The following LINGO2 variants were observed in gnomAD, a reference collection of about 807,000 sequenced individuals.
LINGO2 encodes the protein leucine-rich repeat and immunoglobulin-like domain-containing nogo receptor-interacting protein 2.
LINGO2 carries 14 observed loss-of-function variants against 30.6 expected under a neutral mutation model. The observed-to-expected ratio is 0.46, with a 90% confidence interval of 0.30 to 0.72. LINGO2 has a LOEUF of 0.72. Among genes scored for constraint, LINGO2 ranks in the 30% least tolerant of loss-of-function variants. LINGO2 has a pLI of 0.07. For missense variants in LINGO2, 729 were observed against 751.7 expected (o/e 0.97, Z 0.35); for synonymous variants, 317 against 288.5 (o/e 1.10, Z -1.00).
the LINGO2 span, among the ~76,000 whole-genome samples, chr9:29,017,683 T>C: frequency 6.6e-6 from 1 of 152,010 alleles, no homozygotes; most frequent in Non-Finnish European, 1.5e-5. Flanking sequence ...GGCAATAGCC[T>C]ATCTGGGATC....
the LINGO2 span, among the ~76,000 whole-genome samples, chr9:28,688,258 T>C: frequency 4.9e-4 from 75 of 152,140 alleles, 1 homozygote; most frequent in Non-Finnish European, 9.4e-4. Context: ...ATTAGTCCCT[T>C]AAATAGCATT....
At chr9:28,051,265 T>C (rs1441596871) in intron 4 of LINGO2, among the ~76,000 whole-genome samples, 1 of 152,044 alleles carries the variant, frequency 6.6e-6, no homozygotes, top group Non-Finnish European at 1.5e-5. Context: ...AGAATATAGC[T>C]AGATACAGTA....
At chr9:28,573,779 T>C (rs971125822) in intron 1 of LINGO2, among the ~76,000 whole-genome samples, 6 of 152,088 alleles carry the variant, frequency 3.9e-5, no homozygotes, top group Non-Finnish European at 1.5e-5. Context: ...AGAAAACAGA[T>C]GAACCACTTA....
At chr9:28,417,780 A>C (rs1177203738) in intron 2 of LINGO2, among the ~76,000 whole-genome samples, 1 of 152,192 alleles carries the variant, frequency 6.6e-6, no homozygotes, top group African/African-American at 2.4e-5. Context: ...GGTTGTTTAC[A>C]TGCTTGTTGG....
the LINGO2 span, among the ~76,000 whole-genome samples, chr9:28,708,475 T>G: frequency 6.6e-6 from 1 of 152,074 alleles, no homozygotes; most frequent in Non-Finnish European, 1.5e-5. Context: ...TGAAACTGTA[T>G]AAGCAGTTTC....
At chr9:29,120,154 C>T in the LINGO2 span, among the ~76,000 whole-genome samples, 4 of 152,090 alleles carry the variant, frequency 2.6e-5, no homozygotes, top group Admixed American at 1.3e-4. Context: ...CAAGGCTTTT[C>T]GCTTGGAGAC....
the LINGO2 span, among the ~76,000 whole-genome samples, chr9:29,168,941 C>T: frequency 6.6e-6 from 1 of 152,018 alleles, no homozygotes; most frequent in Non-Finnish European, 1.5e-5. Flanking sequence ...GGTTTTAAAA[C>T]TCTGGATTTT....
the LINGO2 span, among the ~76,000 whole-genome samples, chr9:29,125,385 C>G: frequency 2.0e-5 from 3 of 151,864 alleles, no homozygotes; most frequent in East Asian, 1.9e-4. Flanking sequence ...ATGGAACAAC[C>G]CTGCACGTTC....
chr9:28,513,334 T>G (rs191443339), intron 1 of LINGO2, among the ~76,000 whole-genome samples: 20 of 152,338 alleles, frequency 1.3e-4, no homozygotes, highest in Non-Finnish European at 4.4e-5. Flanking sequence ...CATTTCAGAC[T>G]CAAAGTGAAT....
chr9:28,031,927 A>C (rs571459619), intron 4 of LINGO2, among the ~76,000 whole-genome samples: 1 of 152,056 alleles, frequency 6.6e-6, no homozygotes, highest in Non-Finnish European at 1.5e-5. Context: ...TATTATTGTG[A>C]CAGCCAACTG....
chr9:29,126,640 G>C, the LINGO2 span, among the ~76,000 whole-genome samples: 1 of 151,770 alleles, frequency 6.6e-6, no homozygotes, highest in Non-Finnish European at 1.5e-5. Context: ...GATTTATGTA[G>C]GGCTTAATGG....
At chr9:28,994,378 G>C in the LINGO2 span, among the ~76,000 whole-genome samples, 1,400 of 152,066 alleles carry the variant, frequency 9.2e-3, 29 homozygotes, top group African/African-American at 0.032. Context: ...AGGATACAAA[G>C]AAATGGAAGA....
At chr9:28,232,419 C>CAAAA (rs1220539550) in intron 4 of LINGO2, among the ~76,000 whole-genome samples, 17 of 79,622 alleles carry the variant, frequency 2.1e-4, no homozygotes, top group African/African-American at 6.4e-4. Context: ...TTCTATCTCA[C>CAAAA]AAAAAAAAAA....
chr9:28,609,986 G>A (rs553225180), intron 1 of LINGO2, among the ~76,000 whole-genome samples: 1 of 152,092 alleles, frequency 6.6e-6, no homozygotes, highest in Non-Finnish European at 1.5e-5. Flanking sequence ...ATAGCAAAAT[G>A]CAGAATAACA....
chr9:28,628,706 T>C (rs1826797770), intron 1 of LINGO2, among the ~76,000 whole-genome samples: 2 of 152,154 alleles, frequency 1.3e-5, no homozygotes, highest in South Asian at 4.1e-4. Flanking sequence ...AGTCTCTTGA[T>C]TTCTGCTTTC....
intron 4 of LINGO2, among the ~76,000 whole-genome samples, chr9:28,090,276 A>C (rs561183974): frequency 1.3e-5 from 2 of 152,258 alleles, no homozygotes; most frequent in East Asian, 3.9e-4. Context: ...AGAATTTCAG[A>C]CCAATATCCT....
intron 1 of LINGO2, among the ~76,000 whole-genome samples, chr9:28,627,778 A>G (rs892061859): frequency 1.3e-5 from 2 of 152,032 alleles, no homozygotes; most frequent in African/African-American, 4.8e-5. Context: ...TTGTGTAATT[A>G]AAAATATGCA....
chr9:28,771,045 C>T, the LINGO2 span, among the ~76,000 whole-genome samples: 8 of 152,230 alleles, frequency 5.3e-5, no homozygotes, highest in African/African-American at 1.9e-4. Context: ...TTATCTTATC[C>T]CCAAGTCTTA....
chr9:28,278,724 C>T (rs1823217994), intron 4 of LINGO2, among the ~76,000 whole-genome samples: 1 of 152,196 alleles, frequency 6.6e-6, no homozygotes, highest in Non-Finnish European at 1.5e-5. Flanking sequence ...TAGAGATTTA[C>T]AAGAATAATG....
Sources: allele counts gnomAD v4.1 joint callset (sites outside exome capture counted in the v4.1 genomes callset), GRCh38; gene constraint gnomAD v4.1.1; transcripts MANE v1.5; gene names NCBI Gene and HGNC (gene_info 2026-07-23, HGNC 2026-07-21).